Variants in CNTN5 observed in about 807,000 individuals in gnomAD.
CNTN5 encodes the protein contactin-5.
In CNTN5, 77 loss-of-function variants were observed where a neutral mutation model predicts 129.1. That is an observed-to-expected ratio of 0.60 (90% CI 0.50 to 0.72). The LOEUF is 0.72. CNTN5 is among the 30% of genes least tolerant of loss of function. CNTN5 has a pLI of 0.00. For synonymous variants in CNTN5, 509 were observed against 465.6 expected, an observed-to-expected ratio of 1.09 and a Z score of -1.20; for missense variants, 1,478 against 1,328.8, an observed-to-expected ratio of 1.11 and a Z score of -1.75.
At position 99,809,248 on chromosome 11, in the gene CNTN5, G is replaced by C. The variant is rs142801312; in HGVS notation, c.56-10296G>C. Among the ~76,000 whole-genome samples the C allele has an allele frequency of 1.7e-3, 254 of 152,114 alleles. 1 individual carries two copies. Among genetic ancestry groups the C allele is most frequent in the African/African-American group, 6.0e-3 (248 of 41,510 alleles). On this transcript the variant is annotated intron_variant, in intron 3 of 24. Coordinates refer to ENST00000524871, the MANE Select transcript of CNTN5 (RefSeq NM_014361.4). The stretch of plus-strand genomic sequence containing the variant: ...AATTTGAAAACAACTAAGCCTTTTC[G>C]CTAAAACAAATTGTGAGTATAGTTT...
intron 2 of CNTN5, among the ~76,000 whole-genome samples, chr11:99,553,108 A>G (rs1406869644): frequency 1.3e-5 from 2 of 152,180 alleles, no homozygotes; most frequent in African/African-American, 4.8e-5. Context: ...ATGCCAAGAA[A>G]TGGGATGTCA....
chr11:99,684,299 T>G (rs72983671), intron 3 of CNTN5, among the ~76,000 whole-genome samples: 1,917 of 152,030 alleles, frequency 0.013, 26 homozygotes, highest in Non-Finnish European at 0.021. Flanking sequence ...CTATACCATA[T>G]ATACTTTTTA....
At chr11:99,652,517 T>C (rs1396128647) in intron 3 of CNTN5, among the ~76,000 whole-genome samples, 4 of 152,040 alleles carry the variant, frequency 2.6e-5, no homozygotes, top group Admixed American at 2.6e-4. Flanking sequence ...ACGAAGTACA[T>C]CTCACGATCC....
chr11:100,098,235 C>A (rs530309935), intron 13 of CNTN5, among the ~76,000 whole-genome samples: 1 of 152,038 alleles, frequency 6.6e-6, no homozygotes, highest in Admixed American at 6.6e-5. Context: ...GACTTTAAAG[C>A]AAATACATCA....
intron 13 of CNTN5, among the ~76,000 whole-genome samples, chr11:100,168,421 T>C (rs1679072010): frequency 6.6e-6 from 1 of 152,000 alleles, no homozygotes; most frequent in South Asian, 2.1e-4. Context: ...AATATTCATT[T>C]AATACTCCAA....
In CNTN5 at chr11:100,111,939, T is replaced by G. The variant is rs548052681; in HGVS notation, c.1580+37645T>G. Among the ~76,000 whole-genome samples, 4 of 152,312 alleles carry G rather than the reference T, an allele frequency of 2.6e-5. No homozygotes were observed. The South Asian group carries it at 8.3e-4, about 32-fold the overall frequency. On this transcript the variant is annotated intron_variant, in intron 13 of 24. Transcript: ENST00000524871. ...TAGTAGTTTCTTAACATATCTCTTT[T>G]TCTTATTTGTTTACACTACGTTGTA...
intron 2 of CNTN5, among the ~76,000 whole-genome samples, chr11:99,431,228 T>C (rs1192226760): frequency 1.3e-5 from 2 of 152,144 alleles, no homozygotes; most frequent in Non-Finnish European, 2.9e-5. Context: ...TGTCAGTCTT[T>C]ACTTTTAGTC....
chr11:100,291,992 C>G (rs955564070), intron 18 of CNTN5, among the ~76,000 whole-genome samples: 1 of 151,738 alleles, frequency 6.6e-6, no homozygotes, highest in African/African-American at 2.4e-5. Flanking sequence ...AGCACTTTTA[C>G]GTACTAGAGC....
At chr11:100,328,726 G>T (rs921056951) in intron 21 of CNTN5, among the ~76,000 whole-genome samples, 2 of 152,064 alleles carry the variant, frequency 1.3e-5, no homozygotes, top group African/African-American at 4.8e-5. Flanking sequence ...ATGATATTTG[G>T]ATGGGGACAT....
intron 3 of CNTN5, among the ~76,000 whole-genome samples, chr11:99,723,794 G>A (rs1260628965): frequency 2.1e-5 from 3 of 143,522 alleles, no homozygotes; most frequent in Admixed American, 6.8e-5. Context: ...ATGCGCACGC[G>A]TGTGTGTTTT....
At chr11:99,329,881 G>A (rs1191786800) in intron 2 of CNTN5, among the ~76,000 whole-genome samples, 3 of 147,150 alleles carry the variant, frequency 2.0e-5, no homozygotes, top group Admixed American at 7.0e-5. Context: ...ACACAAAATC[G>A]ATCTTATCTA....
chr11:99,819,751 C>T lies in CNTN5; in HGVS notation c.263C>T (p.Ala88Val). ...ATCAATCTTTATCATTCCTCAGATG[C>T]CTTCAAACAAGATGGTAAGTGTCAA... ...SPINLYHSSD[A>V]FKQDESVDYG... The change falls in exon 4 of 25, where the codon GCC becomes GTC. Residue 88 changes from alanine to valine, a missense_variant. By Grantham distance (64) the Ala-to-Val change is moderately conservative. Transcript: ENST00000524871. The T allele has an allele frequency of 6.3e-7, 1 of 1,575,876 alleles. No individual in the cohort carries two copies. Among genetic ancestry groups the T allele is most frequent in the South Asian group, 1.1e-5 (1 of 88,032 alleles).
chr11:100,222,039 T>C (rs1421112298), intron 15 of CNTN5, among the ~76,000 whole-genome samples: 1 of 152,228 alleles, frequency 6.6e-6, no homozygotes, highest in Non-Finnish European at 1.5e-5. Context: ...ATTACTTCTC[T>C]TGAAAGATCA....
intron 1 of CNTN5, among the ~76,000 whole-genome samples, chr11:99,041,860 G>A (rs1341688197): frequency 6.6e-6 from 1 of 152,098 alleles, no homozygotes; most frequent in African/African-American, 2.4e-5. Flanking sequence ...TCTGGCCATG[G>A]CACTAGCCTA....
intron 18 of CNTN5, among the ~76,000 whole-genome samples, chr11:100,289,513 T>A (rs1950898469): frequency 6.6e-6 from 1 of 151,964 alleles, no homozygotes; most frequent in South Asian, 2.1e-4. Context: ...AAAAACCACA[T>A]GATTATCTCA....
chr11:99,691,964 C>A (rs1954056761), intron 3 of CNTN5, among the ~76,000 whole-genome samples: 2 of 152,060 alleles, frequency 1.3e-5, no homozygotes, highest in Admixed American at 1.3e-4. Flanking sequence ...ATAGTTAGTT[C>A]TTGTTGAATT....
intron 16 of CNTN5, among the ~76,000 whole-genome samples, chr11:100,238,587 AAG>A (rs557017404): frequency 2.5e-4 from 37 of 149,788 alleles, no homozygotes; most frequent in Middle Eastern, 3.4e-3. Flanking sequence ...GGAGAGGAAA[AAG>A]AAGAAGAAGA....
intron 1 of CNTN5, among the ~76,000 whole-genome samples, chr11:99,085,477 C>A (rs1865970468): frequency 6.6e-6 from 1 of 151,354 alleles, no homozygotes; most frequent in Admixed American, 6.6e-5. Context: ...TTACTTCATA[C>A]TTTTTGGTGC....
chr11:99,444,344 G>A (rs573430524), intron 2 of CNTN5, among the ~76,000 whole-genome samples: 1 of 152,092 alleles, frequency 6.6e-6, no homozygotes, highest in South Asian at 2.1e-4. Context: ...AAAGAATAAA[G>A]AAACAAAATA....
Sources: gnomAD v4.1 joint callset for allele counts (sites outside exome capture counted in the v4.1 genomes callset) on GRCh38, gnomAD v4.1.1 for gene constraint, MANE v1.5 for transcripts, NCBI Gene and HGNC (gene_info 2026-07-23, HGNC 2026-07-21) for gene names.